CSMD3: variants seen among roughly 807,000 people sequenced by gnomAD.
The protein encoded by CSMD3 is CUB and sushi domain-containing protein 3.
Under a neutral mutation model 435.2 loss-of-function variants are expected in CSMD3, and 177 were observed. The ratio of observed to expected loss-of-function variants is 0.41; its 90% CI spans 0.36 to 0.46. The LOEUF (loss-of-function observed/expected upper bound fraction) is 0.46, where lower values mean the gene tolerates loss of function less well. Ranked by LOEUF, CSMD3 falls within the 20% of genes least tolerant of loss-of-function variation. The pLI is 0.34. For missense variants in CSMD3, 4,265 were observed against 4,504.6 expected (o/e 0.95, Z 1.52); for synonymous variants, 1,656 against 1,520.5 (o/e 1.09, Z -2.07).
chr8:113,273,507 C>T lies in CSMD3; in HGVS notation c.514+5085G>A, dbSNP rs538441945. On this transcript the variant is annotated intron_variant, in intron 3 of 70. Transcript: ENST00000297405. ...TCTATGAGCACTCTATTCTGTTCTG[C>T]CCCACCCATCCCTTTGCCAAGCTGT... 4.6e-5 allele frequency among the ~76,000 whole-genome samples: 7 copies of T among 152,214 alleles called. No individual in the cohort carries two copies. In the South Asian group the frequency reaches 1.5e-3, roughly 32 times the overall value.
intron 5 of CSMD3, among the ~76,000 whole-genome samples, chr8:113,038,785 C>A (rs1025854089): frequency 1.3e-5 from 2 of 152,190 alleles, no homozygotes; most frequent in African/African-American, 4.8e-5. Context: ...TCCCAACATG[C>A]ATTTGCCTCT....
At position 112,877,334 on chromosome 8, in the gene CSMD3, C is replaced by T. The variant is rs1006827817; in HGVS notation, c.1634-18068G>A. ...AAGCTGGAGTGCAATGGTGTGATAT[C>T]GGCTCACTGCAACCTCTGCCACTCA... On this transcript the variant is annotated intron_variant, in intron 10 of 70. Transcript: ENST00000297405. Among the ~76,000 whole-genome samples, 8 of 151,578 alleles carry T rather than the reference C, an allele frequency of 5.3e-5. No homozygotes were observed. In the East Asian group the frequency reaches 5.8e-4, roughly 11 times the overall value.
chr8:112,228,448 C>CTA (rs1156676799), intron 70 of CSMD3, among the ~76,000 whole-genome samples: 1 of 152,138 alleles, frequency 6.6e-6, no homozygotes, highest in African/African-American at 2.4e-5. Context: ...TTTTCTATCT[C>CTA]TAAAGTCTCA....
At chr8:113,131,504 G>T (rs1282468492) in intron 4 of CSMD3, among the ~76,000 whole-genome samples, 1 of 152,094 alleles carries the variant, frequency 6.6e-6, no homozygotes, top group African/African-American at 2.4e-5. Flanking sequence ...GGGCCTGCAG[G>T]TGTATGGAAG....
At chr8:113,352,434 C>T (rs1044940693) in intron 1 of CSMD3, among the ~76,000 whole-genome samples, 1 of 152,040 alleles carries the variant, frequency 6.6e-6, no homozygotes, top group Admixed American at 6.6e-5. Context: ...CACGCCCTTG[C>T]TAACATCTTG....
intron 45 of CSMD3, among the ~76,000 whole-genome samples, chr8:112,328,679 G>A (rs1823745378): frequency 6.6e-6 from 1 of 152,120 alleles, no homozygotes; most frequent in South Asian, 2.1e-4. Context: ...GATCTAGTGA[G>A]AGGGGATTGG....
intron 64 of CSMD3, 131 bp downstream of exon 64, chr8:112,246,889 A>C (rs1814786156): frequency 1.4e-6 from 1 of 722,972 alleles, no homozygotes; most frequent in Non-Finnish European, 2.5e-6. Context: ...AATTATATGC[A>C]TATAATATGT....
chr8:112,953,415 C>A (rs1480221216), intron 8 of CSMD3, among the ~76,000 whole-genome samples: 4 of 151,298 alleles, frequency 2.6e-5, no homozygotes, highest in African/African-American at 9.7e-5. Context: ...TAAAAACTAA[C>A]AGTATCAATC....
intron 63 of CSMD3, among the ~76,000 whole-genome samples, chr8:112,248,061 C>T (rs1424583217): frequency 6.6e-6 from 1 of 151,916 alleles, no homozygotes; most frequent in Non-Finnish European, 1.5e-5. Context: ...AACAAATCAC[C>T]AGAGTAATGT....
At chr8:112,942,509 A>T (rs2083481663) in intron 9 of CSMD3, among the ~76,000 whole-genome samples, 1 of 151,890 alleles carries the variant, frequency 6.6e-6, no homozygotes, top group South Asian at 2.1e-4. Context: ...TGGTACATAT[A>T]TACTGCGAAA....
intron 31 of CSMD3, among the ~76,000 whole-genome samples, chr8:112,490,587 G>A (rs1292758670): frequency 2.0e-5 from 3 of 151,972 alleles, no homozygotes; most frequent in Admixed American, 6.6e-5. Context: ...TTATCCCTGC[G>A]ATTAACATCT....
At chr8:113,318,806 G>C (rs1310402854) in intron 1 of CSMD3, among the ~76,000 whole-genome samples, 1 of 151,506 alleles carries the variant, frequency 6.6e-6, no homozygotes, top group African/African-American at 2.4e-5. Flanking sequence ...GTGTGTGTGT[G>C]TGTGTGTGTG....
intron 12 of CSMD3, among the ~76,000 whole-genome samples, chr8:112,801,784 C>T (rs2078967400): frequency 6.6e-6 from 1 of 151,884 alleles, no homozygotes; most frequent in African/African-American, 2.4e-5. Context: ...GTAAAGTAAA[C>T]CCATTATTAA....
chr8:112,465,331 G>T (rs58830898), intron 32 of CSMD3, among the ~76,000 whole-genome samples: 2,647 of 152,164 alleles, frequency 0.017, 78 homozygotes, highest in African/African-American at 0.06. Context: ...TCACTGATTT[G>T]AATCATATGT....
At chr8:112,759,512 A>G (rs1392718399) in intron 13 of CSMD3, among the ~76,000 whole-genome samples, 1 of 152,118 alleles carries the variant, frequency 6.6e-6, no homozygotes, top group Admixed American at 6.6e-5. Flanking sequence ...ATTGAAATGT[A>G]CAGAAACAAT....
intron 37 of CSMD3, among the ~76,000 whole-genome samples, chr8:112,382,623 A>T (rs547735186): frequency 6.6e-6 from 1 of 152,356 alleles, no homozygotes; most frequent in South Asian, 2.1e-4. Context: ...AAATTAACAA[A>T]GTAAAACTTT....
chr8:113,098,906 C>T lies in CSMD3; in HGVS notation c.767G>A (p.Ser256Asn), dbSNP rs1376092423. The T allele has an allele frequency of 4.3e-6, 7 of 1,612,878 alleles. No homozygotes were observed. In the Admixed American group the frequency reaches 5.0e-5, roughly 12 times the overall value. ...RGSSGIISSPSFPNEYHNNAD... is the reference protein window; with the variant it reads ...RGSSGIISSPNFPNEYHNNAD... ...ATTGTTATGGTACTCATTAGGAAAA[C>T]TAGGGCTGGATATGATGCCACTGGA... Residue 256 changes from serine to asparagine, a missense_variant, in exon 5 of 71, where the codon AGT becomes AAT. By Grantham distance (46) the Ser-to-Asn change is conservative (BLOSUM62 1). Transcript: ENST00000297405.
chr8:112,644,907 T>C (rs1383626069), intron 20 of CSMD3, among the ~76,000 whole-genome samples: 3 of 152,162 alleles, frequency 2.0e-5, no homozygotes, highest in Non-Finnish European at 4.4e-5. Flanking sequence ...AACAGCCTGG[T>C]AAAAACATGA....
intron 38 of CSMD3, among the ~76,000 whole-genome samples, chr8:112,353,119 G>A (rs549213634): frequency 2.7e-4 from 41 of 152,196 alleles, no homozygotes; most frequent in Middle Eastern, 3.4e-3. Context: ...GGCCAAGTGC[G>A]GTGGTTCATG....
Sources: allele counts gnomAD v4.1 joint callset (sites outside exome capture counted in the v4.1 genomes callset), GRCh38; gene constraint gnomAD v4.1.1; transcripts MANE v1.5; gene names NCBI Gene and HGNC (gene_info 2026-07-23, HGNC 2026-07-21).